CDH13: variants seen among roughly 807,000 people sequenced by gnomAD.
The protein encoded by CDH13 is cadherin-13.
Under a neutral mutation model 63.8 loss-of-function variants are expected in CDH13, and 24 were observed. The observed-to-expected ratio is 0.38, with a 90% CI of 0.27 to 0.53. The LOEUF (loss-of-function observed/expected upper bound fraction) is 0.53, where lower values mean the gene tolerates loss of function less well. Among genes scored for constraint, CDH13 ranks in the 20% least tolerant of loss-of-function variants. The pLI is 0.85. For synonymous variants in CDH13, 503 were observed against 355.3 expected (o/e 1.42, Z -4.67); for missense variants, 1,049 against 903.1 (o/e 1.16, Z -2.07).
At chr16:82,907,072 G>C (rs2041670602) in intron 2 of CDH13, among the ~76,000 whole-genome samples, 1 of 152,120 alleles carries the variant, frequency 6.6e-6, no homozygotes. Context: ...TTCCTACCAA[G>C]ATCCCTTACT....
chr16:82,634,499 G>T (rs996822111), intron 1 of CDH13, among the ~76,000 whole-genome samples: 1 of 152,194 alleles, frequency 6.6e-6, no homozygotes. Flanking sequence ...GGGCATCTGG[G>T]ATCATCTCAC....
intron 7 of CDH13, among the ~76,000 whole-genome samples, chr16:83,567,290 C>G (rs997708271): frequency 4.6e-5 from 7 of 152,180 alleles, no homozygotes; most frequent in South Asian, 2.1e-4. Context: ...CCATATCAAT[C>G]TAACTTTGTA....
chr16:83,325,526 C>G (rs77980290), intron 5 of CDH13, among the ~76,000 whole-genome samples: 10 of 152,140 alleles, frequency 6.6e-5, no homozygotes, highest in Admixed American at 6.5e-4. Flanking sequence ...CTCAGTTCTG[C>G]TTTTCTAGCA....
intron 5 of CDH13, among the ~76,000 whole-genome samples, chr16:83,300,360 G>C (rs985376337): frequency 2.6e-5 from 4 of 152,214 alleles, no homozygotes; most frequent in African/African-American, 9.7e-5. Flanking sequence ...TGTACTTACT[G>C]TTCTTTATAT....
chr16:82,769,090 T>A (rs143242829), intron 1 of CDH13, among the ~76,000 whole-genome samples: 2 of 152,344 alleles, frequency 1.3e-5, no homozygotes, highest in East Asian at 3.9e-4. Flanking sequence ...GAGGTCATCA[T>A]GTTGTCTTCG....
chr16:82,664,428 C>T (rs1912345967), intron 1 of CDH13, among the ~76,000 whole-genome samples: 1 of 152,212 alleles, frequency 6.6e-6, no homozygotes, highest in Admixed American at 6.5e-5. Context: ...CAGCTCTGAA[C>T]ACAGCAGTGG....
At chr16:82,767,188 T>C (rs951049465) in intron 1 of CDH13, among the ~76,000 whole-genome samples, 24 of 152,218 alleles carry the variant, frequency 1.6e-4, no homozygotes, top group African/African-American at 5.8e-4. Context: ...TGCATAAATC[T>C]TAAGTGTGTA....
intron 6 of CDH13, among the ~76,000 whole-genome samples, chr16:83,485,367 C>G (rs915904336): frequency 2.6e-5 from 4 of 152,168 alleles, no homozygotes; most frequent in African/African-American, 7.2e-5. Flanking sequence ...GGAGGGAGAC[C>G]CATTATCTGA....
At chr16:82,792,611 T>G (rs1215210641) in intron 1 of CDH13, among the ~76,000 whole-genome samples, 1 of 152,104 alleles carries the variant, frequency 6.6e-6, no homozygotes, top group African/African-American at 2.4e-5. Context: ...TGCCACTGCA[T>G]CCCCAACTCT....
intron 9 of CDH13, among the ~76,000 whole-genome samples, chr16:83,674,461 C>A (rs997093021): frequency 2.6e-5 from 4 of 152,204 alleles, no homozygotes; most frequent in Admixed American, 6.5e-5. Context: ...TTCTAAGGGT[C>A]CCCCGGCCAA....
chr16:83,601,053 G>T (rs1907741805), intron 7 of CDH13, among the ~76,000 whole-genome samples: 1 of 152,076 alleles, frequency 6.6e-6, no homozygotes, highest in African/African-American at 2.4e-5. Flanking sequence ...CAAACACAGG[G>T]CCTGGACTTA....
intron 5 of CDH13, among the ~76,000 whole-genome samples, chr16:83,268,861 C>T (rs367865304): frequency 9.9e-4 from 151 of 152,198 alleles, no homozygotes; most frequent in African/African-American, 3.2e-3. Context: ...TGCTCACCTA[C>T]CCAGTTCTTA....
intron 2 of CDH13, among the ~76,000 whole-genome samples, chr16:82,960,173 G>T (rs1047286303): frequency 6.6e-6 from 1 of 152,156 alleles, no homozygotes; most frequent in Non-Finnish European, 1.5e-5. Flanking sequence ...CAGGTGAGAG[G>T]TGAGAGAGAG....
intron 5 of CDH13, among the ~76,000 whole-genome samples, chr16:83,251,256 C>T (rs1905494675): frequency 6.6e-6 from 1 of 152,028 alleles, no homozygotes; most frequent in South Asian, 2.1e-4. Flanking sequence ...ACAATGATCT[C>T]AAAATAGAAA....
intron 2 of CDH13, among the ~76,000 whole-genome samples, chr16:82,966,944 TG>T (rs370433742): frequency 2.0e-5 from 3 of 152,326 alleles, no homozygotes; most frequent in Non-Finnish European, 2.9e-5. Flanking sequence ...ACCGCACTAA[TG>T]TTTTTTTATT....
At chr16:83,244,363 C>G (rs968164506) in intron 5 of CDH13, among the ~76,000 whole-genome samples, 1 of 152,036 alleles carries the variant, frequency 6.6e-6, no homozygotes, top group African/African-American at 2.4e-5. Flanking sequence ...GGAAGATACT[C>G]AAGGGTATGG....
At chr16:83,636,921 G>A (rs959153965) in intron 8 of CDH13, among the ~76,000 whole-genome samples, 1 of 152,136 alleles carries the variant, frequency 6.6e-6, no homozygotes, top group African/African-American at 2.4e-5. Context: ...ACCAACATCT[G>A]TAATTTTTTG....
At chr16:83,412,197 C>T (rs546609822) in intron 6 of CDH13, among the ~76,000 whole-genome samples, 1 of 152,208 alleles carries the variant, frequency 6.6e-6, no homozygotes, top group Non-Finnish European at 1.5e-5. Flanking sequence ...CATGGTAGCT[C>T]ACTCCTGTAA....
intron 2 of CDH13, among the ~76,000 whole-genome samples, chr16:83,011,557 A>T (rs1161115830): frequency 6.6e-6 from 1 of 152,022 alleles, no homozygotes; most frequent in Non-Finnish European, 1.5e-5. Context: ...TCCCCATCTG[A>T]GTCAACCGGG....
Sources: gnomAD v4.1 joint callset for allele counts (sites outside exome capture counted in the v4.1 genomes callset) on GRCh38, gnomAD v4.1.1 for gene constraint, MANE v1.5 for transcripts, NCBI Gene and HGNC (gene_info 2026-07-23, HGNC 2026-07-21) for gene names.